The following PCDH9 variants were observed in gnomAD, a reference collection of about 807,000 sequenced individuals.
The protein encoded by PCDH9 is protocadherin-9.
PCDH9 carries 24 observed loss-of-function variants against 70.6 expected under a neutral mutation model. That is an observed-to-expected ratio of 0.34 (90% CI 0.25 to 0.48). The LOEUF is 0.48. Among genes scored for constraint, PCDH9 ranks in the 20% least tolerant of loss-of-function variants. The pLI is 0.99. For synonymous variants in PCDH9, 562 were observed against 558.5 expected, an observed-to-expected ratio of 1.01 and a Z score of -0.09; for missense variants, 1,281 against 1,503.6, an observed-to-expected ratio of 0.85 and a Z score of 2.45.
intron 2 of PCDH9, among the ~76,000 whole-genome samples, chr13:67,022,768 G>A (rs1016637835): frequency 3.2e-4 from 49 of 152,140 alleles, no homozygotes; most frequent in African/African-American, 1.2e-3. Flanking sequence ...TATTCTCTAA[G>A]TTTATAAATT....
Position 66,800,651 on chromosome 13 carries a change from T to C in PCDH9, c.3138+102853A>G, listed in dbSNP as rs560748924. On this transcript the variant is annotated intron_variant, in intron 3 of 4. Transcript: ENST00000377865. ...TAATCTAAAAATTTGTAGGTTAGGA[T>C]TGCAGTCAGCAAGATGTCTCACTTG... Among the ~76,000 whole-genome samples, 18 of 152,276 alleles carry C rather than the reference T, an allele frequency of 1.2e-4. No individual in the cohort carries two copies. In the East Asian group the frequency reaches 3.5e-3, roughly 29 times the overall value.
chr13:66,651,678 C>T (rs886574044), intron 3 of PCDH9, among the ~76,000 whole-genome samples: 8 of 152,040 alleles, frequency 5.3e-5, no homozygotes, highest in African/African-American at 1.9e-4. Context: ...CAATTTTACA[C>T]TGATACCAAA....
chr13:67,005,768 C>G (rs1371726927), intron 2 of PCDH9, among the ~76,000 whole-genome samples: 2 of 152,138 alleles, frequency 1.3e-5, no homozygotes, highest in Non-Finnish European at 2.9e-5. Flanking sequence ...TCCGTGAGAG[C>G]AAAGTATGAG....
chr13:67,176,410 C>T (rs936768856), intron 2 of PCDH9, among the ~76,000 whole-genome samples: 1 of 152,050 alleles, frequency 6.6e-6, no homozygotes, highest in African/African-American at 2.4e-5. Context: ...CATTTATCTC[C>T]TCTTGAACTG....
intron 4 of PCDH9, among the ~76,000 whole-genome samples, chr13:66,399,378 G>A (rs1173199907): frequency 6.6e-6 from 1 of 152,048 alleles, no homozygotes; most frequent in African/African-American, 2.4e-5. Context: ...TCTATCTTTT[G>A]CCAGCGGCTT....
At chr13:66,347,573 G>T (rs189533699) in intron 4 of PCDH9, among the ~76,000 whole-genome samples, 61 of 152,162 alleles carry the variant, frequency 4.0e-4, no homozygotes, top group African/African-American at 1.5e-3. Flanking sequence ...CTTCTTTCTT[G>T]TGCCTACTGA....
chr13:66,956,365 C>A (rs2083265116), intron 2 of PCDH9, among the ~76,000 whole-genome samples: 1 of 152,148 alleles, frequency 6.6e-6, no homozygotes, highest in South Asian at 2.1e-4. Flanking sequence ...ATGACTGAGC[C>A]CCCGACAATA....
intron 3 of PCDH9, among the ~76,000 whole-genome samples, chr13:66,802,786 C>G (rs976248885): frequency 7.9e-5 from 12 of 152,080 alleles, no homozygotes; most frequent in African/African-American, 2.9e-4. Context: ...TTACAGTTTT[C>G]TCTTTATTTT....
At chr13:67,054,536 A>T (rs1476940814) in intron 2 of PCDH9, among the ~76,000 whole-genome samples, 1 of 152,200 alleles carries the variant, frequency 6.6e-6, no homozygotes, top group Non-Finnish European at 1.5e-5. Context: ...GTATTGGTAG[A>T]GCTTCAGAAT....
chr13:66,646,858 T>C (rs2077777468), intron 3 of PCDH9, among the ~76,000 whole-genome samples: 1 of 152,128 alleles, frequency 6.6e-6, no homozygotes, highest in East Asian at 1.9e-4. Context: ...GCCCCAGCAG[T>C]GGCTTTGTGG....
chr13:66,554,316 T>C (rs1013267342), intron 4 of PCDH9, among the ~76,000 whole-genome samples: 1 of 152,112 alleles, frequency 6.6e-6, no homozygotes, highest in Non-Finnish European at 1.5e-5. Context: ...ATGTATACTC[T>C]TTTGCAACTT....
At chr13:66,671,815 T>G (rs1207093648) in intron 3 of PCDH9, among the ~76,000 whole-genome samples, 1 of 152,140 alleles carries the variant, frequency 6.6e-6, no homozygotes, top group Non-Finnish European at 1.5e-5. Flanking sequence ...GAACTTATGT[T>G]TAAAAGAGAA....
chr13:67,190,016 T>C (rs1343205458), intron 2 of PCDH9, among the ~76,000 whole-genome samples: 1 of 152,088 alleles, frequency 6.6e-6, no homozygotes, highest in Non-Finnish European at 1.5e-5. Flanking sequence ...ATTTATGCCC[T>C]TCTTGACATT....
intron 2 of PCDH9, among the ~76,000 whole-genome samples, chr13:67,008,042 C>T (rs2084385657): frequency 6.6e-6 from 1 of 151,994 alleles, no homozygotes. Context: ...ATATATACTG[C>T]AAAAGCTCAC....
chr13:66,728,014 T>G (rs2139167811), intron 3 of PCDH9, among the ~76,000 whole-genome samples: 1 of 152,252 alleles, frequency 6.6e-6, no homozygotes, highest in African/African-American at 2.4e-5. Flanking sequence ...AAAATATGTC[T>G]CTCCATACTT....
chr13:66,783,685 TAAAC>T lies in PCDH9; in HGVS notation c.3138+119815_3138+119818del, dbSNP rs969513999. On this transcript the variant is annotated intron_variant, in intron 3 of 4. Coordinates refer to ENST00000377865, the MANE Select transcript of PCDH9 (RefSeq NM_203487.3). ...AAATCACTTCAGATATATTACAAAA[TAAAC>T]AAACAAAAGGAATGAGATGATCTTT... 2.6e-4 allele frequency among the ~76,000 whole-genome samples: 39 copies of T among 152,210 alleles called. 1 individual carries two copies. Among genetic ancestry groups the T allele is most frequent in the African/African-American group, 7.7e-4 (32 of 41,582 alleles).
At chr13:66,665,555 G>GA in intron 3 of PCDH9, among the ~76,000 whole-genome samples, 2 of 152,226 alleles carry the variant, frequency 1.3e-5, no homozygotes, top group African/African-American at 4.8e-5. Flanking sequence ...CCTGGACCAG[G>GA]AAGACTTCCT....
intron 2 of PCDH9, among the ~76,000 whole-genome samples, chr13:67,023,163 T>TTC (rs2084712511): frequency 6.6e-6 from 1 of 152,174 alleles, no homozygotes; most frequent in Admixed American, 6.6e-5. Context: ...CTTTTTTTTT[T>TTC]TTTAGCCTTC....
chr13:67,179,775 C>T (rs186311404), intron 2 of PCDH9, among the ~76,000 whole-genome samples: 4 of 152,188 alleles, frequency 2.6e-5, no homozygotes, highest in Admixed American at 2.6e-4. Flanking sequence ...ACCTAGGCTA[C>T]ACCATTTTTC....
Sources: gnomAD v4.1 joint callset for allele counts (sites outside exome capture counted in the v4.1 genomes callset) on GRCh38, gnomAD v4.1.1 for gene constraint, MANE v1.5 for transcripts, NCBI Gene and HGNC (gene_info 2026-07-23, HGNC 2026-07-21) for gene names.